Variants in RPRD1B observed in about 807,000 individuals in gnomAD.
The protein encoded by RPRD1B is regulation of nuclear pre-mRNA domain-containing protein 1B.
In RPRD1B, 11 loss-of-function variants were observed where a neutral mutation model predicts 41.5. The observed-to-expected ratio is 0.27, with a 90% CI of 0.17 to 0.44. The LOEUF is 0.44. Among genes scored for constraint, RPRD1B ranks in the 20% least tolerant of loss-of-function variants. The pLI is 1.00. For missense variants in RPRD1B, 248 were observed against 389.9 expected (o/e 0.64, Z 3.06); for synonymous variants, 158 against 155.6 (o/e 1.02, Z -0.12).
chr20:38,081,855 T>A (rs1257536093), intron 6 of RPRD1B, among the ~76,000 whole-genome samples: 1 of 152,248 alleles, frequency 6.6e-6, no homozygotes, highest in Non-Finnish European at 1.5e-5. Context: ...ATGTGATGGA[T>A]CACATTTGTT....
chr20:38,089,608 G>T, intron 6 of RPRD1B, 118 bp from the exon 7 acceptor site: 7 of 768,238 alleles, frequency 9.1e-6, no homozygotes, highest in Non-Finnish European at 6.5e-6. Context: ...GAACAGGGTG[G>T]GCAGGCTGGT....
chr20:38,090,791 T>G lies in RPRD1B; in HGVS notation c.*916T>G. ...TTTCTTGGACCCTTTCTTCTGGGAGTAGGGTACACACTAACGTTTAATCCG... is the reference window on the plus strand; with the variant it reads ...TTTCTTGGACCCTTTCTTCTGGGAGGAGGGTACACACTAACGTTTAATCCG... On this transcript the variant is annotated 3_prime_UTR_variant, in exon 7 of 7. Coordinates refer to ENST00000373433, the MANE Select transcript of RPRD1B (RefSeq NM_021215.4). 1 of 985,194 alleles carries G rather than the reference T, an allele frequency of 1.0e-6. No individual in the cohort carries two copies. The highest frequency in any genetic ancestry group is 1.2e-6 in the Non-Finnish European group (1 of 829,876). 61.0% of individuals were successfully genotyped at this position (985,194 alleles called of 1,614,324 possible). A position where few individuals can be genotyped will look rare whatever the true frequency, so the allele number is the denominator to read the frequency against.
At chr20:38,049,132 A>T (rs2074153006) in intron 3 of RPRD1B, among the ~76,000 whole-genome samples, 1 of 151,940 alleles carries the variant, frequency 6.6e-6, no homozygotes, top group Admixed American at 6.6e-5. Flanking sequence ...TATTTTTAGA[A>T]GAGACGGGGT....
At chr20:38,075,369 C>T (rs1308296129) in intron 6 of RPRD1B, among the ~76,000 whole-genome samples, 3 of 152,276 alleles carry the variant, frequency 2.0e-5, no homozygotes, top group South Asian at 2.1e-4. Flanking sequence ...TAATGGAGCT[C>T]TCTTCTGGCT....
Position 38,091,270 on chromosome 20 carries a change from T to C in RPRD1B, c.*1395T>C. On this transcript the variant is annotated 3_prime_UTR_variant, in exon 7 of 7. Transcript: ENST00000373433. ...CTTTGTAATCTCCATTAATTTGTGT[T>C]GCTACTTCCAGGATCACCAAAAATT... The C allele has an allele frequency of 1.0e-6, 1 of 985,822 alleles. No individual in the cohort carries two copies. Among genetic ancestry groups the C allele is most frequent in the Non-Finnish European group, 1.2e-6 (1 of 829,916 alleles). 61.1% of individuals were successfully genotyped at this position (985,822 alleles called of 1,614,324 possible).
intron 6 of RPRD1B, among the ~76,000 whole-genome samples, chr20:38,069,333 C>T (rs1412687571): frequency 6.6e-6 from 1 of 152,160 alleles, no homozygotes; most frequent in Non-Finnish European, 1.5e-5. Flanking sequence ...AACCAAACCA[C>T]TTGATCGTAC....
intron 2 of RPRD1B, among the ~76,000 whole-genome samples, chr20:38,043,045 G>A (rs2074083124): frequency 6.6e-6 from 1 of 152,174 alleles, no homozygotes; most frequent in African/African-American, 2.4e-5. Context: ...TGCCTTCTAT[G>A]TGCCAAGTAT....
intron 3 of RPRD1B, among the ~76,000 whole-genome samples, chr20:38,054,993 A>G (rs1284108563): frequency 1.3e-5 from 2 of 152,232 alleles, no homozygotes; most frequent in Admixed American, 6.5e-5. Context: ...GATTTTTCAT[A>G]TTAAAAATAT....
rs1255281659 is a variant in RPRD1B at position 38,090,605 on chromosome 20, C to T, written c.*730C>T. ...GCTTCAAGTTCCTAGATACAACCTT[C>T]CCATGCTGCACTTCTCCACTGTCGG... On this transcript the variant is annotated 3_prime_UTR_variant, in exon 7 of 7. Coordinates refer to ENST00000373433, the MANE Select transcript of RPRD1B (RefSeq NM_021215.4). 5.1e-6 allele frequency: 5 copies of T among 985,432 alleles called. No homozygotes were observed. The highest frequency in any genetic ancestry group is 1.1e-4 in the East Asian group (1 of 8,838). 61.0% of individuals were successfully genotyped at this position (985,432 alleles called of 1,614,324 possible). A position where few individuals can be genotyped will look rare whatever the true frequency, so the allele number is the denominator to read the frequency against.
At chr20:38,073,332 T>C (rs747125387) in intron 6 of RPRD1B, among the ~76,000 whole-genome samples, 4 of 152,172 alleles carry the variant, frequency 2.6e-5, no homozygotes, top group Non-Finnish European at 5.9e-5. Context: ...GGGGAGAAAT[T>C]GGCTCATGAA....
chr20:38,035,224 A>G (rs1326316910), intron 1 of RPRD1B, among the ~76,000 whole-genome samples: 2 of 152,208 alleles, frequency 1.3e-5, no homozygotes, highest in Non-Finnish European at 2.9e-5. Context: ...AGTTGCTTAC[A>G]GTCTGGTGGG....
chr20:38,040,901 A>G (rs980216307), intron 2 of RPRD1B, among the ~76,000 whole-genome samples: 4 of 152,232 alleles, frequency 2.6e-5, no homozygotes, highest in African/African-American at 7.2e-5. Context: ...CTAGTAAGGG[A>G]ACCTTTTAGT....
At chr20:38,089,702 A>G in intron 6 of RPRD1B, 24 bp from the exon 7 acceptor site, 3 of 1,598,668 alleles carry the variant, frequency 1.9e-6, no homozygotes, top group South Asian at 1.1e-5. Flanking sequence ...ACTTAACGGT[A>G]TTGTCTTCTC....
intron 3 of RPRD1B, among the ~76,000 whole-genome samples, chr20:38,054,641 T>G (rs1169668635): frequency 1.3e-5 from 2 of 152,142 alleles, no homozygotes; most frequent in Non-Finnish European, 2.9e-5. Context: ...GTGCCAAAAT[T>G]CAGGAATTCT....
At chr20:38,044,565 G>C (rs1253015790) in intron 2 of RPRD1B, among the ~76,000 whole-genome samples, 1 of 152,004 alleles carries the variant, frequency 6.6e-6, no homozygotes, top group South Asian at 2.1e-4. Flanking sequence ...TAGTAGAGAC[G>C]GAGTTTCACC....
At chr20:38,070,357 T>G (rs889444747) in intron 6 of RPRD1B, 26 of 985,408 alleles carry the variant, frequency 2.6e-5, no homozygotes, top group Non-Finnish European at 2.9e-5. Flanking sequence ...AGAAGGCACG[T>G]GGAAGGAAGC....
intron 6 of RPRD1B, chr20:38,070,707 A>C: frequency 1.0e-6 from 1 of 982,240 alleles, no homozygotes. Context: ...AAAAAAGGTC[A>C]GGAACCTGCA....
At chr20:38,042,722 A>G (rs2074079342) in intron 2 of RPRD1B, among the ~76,000 whole-genome samples, 1 of 152,218 alleles carries the variant, frequency 6.6e-6, no homozygotes. Context: ...CCACAGTAGG[A>G]GTAGCCTAAT....
rs988235193 is a variant in RPRD1B at position 38,056,293 on chromosome 20, A to T, written c.416-1239A>T. Among the ~76,000 whole-genome samples the T allele has an allele frequency of 3.3e-5, 5 of 152,110 alleles. 1 individual carries two copies. In the South Asian group the frequency reaches 8.3e-4, roughly 25 times the overall value. The stretch of plus-strand genomic sequence containing the variant: ...GTAATCCCAGCTACTCAGGAGGCTG[A>T]GGTGGGAGAATTGCTGGAACCCAGG... On this transcript the variant is annotated intron_variant, in intron 3 of 6. Transcript: ENST00000373433.
Sources: allele counts gnomAD v4.1 joint callset (sites outside exome capture counted in the v4.1 genomes callset), GRCh38; gene constraint gnomAD v4.1.1; transcripts MANE v1.5; gene names NCBI Gene and HGNC (gene_info 2026-07-23, HGNC 2026-07-21).